ABR: variants seen among roughly 807,000 people sequenced by gnomAD.
The protein encoded by ABR is active breakpoint cluster region-related protein.
In ABR, 35 loss-of-function variants were observed where a neutral mutation model predicts 107.2. The ratio of observed to expected loss-of-function variants is 0.33; its 90% CI spans 0.25 to 0.43. ABR has a LOEUF of 0.43. Ranked by LOEUF, ABR falls within the 20% of genes least tolerant of loss-of-function variation. The probability of loss-of-function intolerance (pLI) is 1.00; values close to 1 mark genes in which losing one functional copy is unlikely to be tolerated. For missense variants in ABR, 815 were observed against 1,115.2 expected (o/e 0.73, Z 3.83); for synonymous variants, 498 against 462.0 (o/e 1.08, Z -1.00).
At chr17:1,029,593 G>T (rs2072541574) in intron 16 of ABR, among the ~76,000 whole-genome samples, 1 of 152,128 alleles carries the variant, frequency 6.6e-6, no homozygotes, top group African/African-American at 2.4e-5. Context: ...TGCCAGTCTG[G>T]GCAGTACCAG....
chr17:1,031,568 C>G (rs1325649727), intron 16 of ABR: 1 of 1,026,994 alleles, frequency 9.7e-7, no homozygotes, highest in Non-Finnish European at 1.2e-6. Context: ...CGAGCCCCCA[C>G]CCCCCGGAAC....
Position 1,005,810 on chromosome 17 carries a change from A to T in ABR, c.*270T>A, listed in dbSNP as rs1387064433. The stretch of plus-strand genomic sequence containing the variant: ...TACCTTTTCTGCCTGACAAGTGTAC[A>T]TAAAACAATTCCCGAACAGCACGGA... On this transcript the variant is annotated 3_prime_UTR_variant, in exon 23 of 23. Transcript: ENST00000302538. The T allele has an allele frequency of 1.9e-6, 1 of 528,542 alleles. No homozygotes were observed. Among genetic ancestry groups the T allele is most frequent in the Non-Finnish European group, 3.4e-6 (1 of 293,394 alleles). The allele number at this position is 528,542 out of a possible 1,614,324, so 32.7% of individuals were successfully genotyped here. A position where few individuals can be genotyped will look rare whatever the true frequency, so the allele number is the denominator to read the frequency against.
chr17:1,061,047 G>A (rs1597609307), intron 10 of ABR, among the ~76,000 whole-genome samples: 1 of 152,156 alleles, frequency 6.6e-6, no homozygotes, highest in Non-Finnish European at 1.5e-5. Flanking sequence ...CTGTGACTCA[G>A]AGGACGGCAC....
In ABR at chr17:1,090,503, A is replaced by G. The variant is rs545066088; in HGVS notation, c.531+1162T>C. ...AGAAGAGGAAAAGGCGGCTGTGAGC[A>G]ACGGCCAAAAAGTGGAGTCCACAGG... On this transcript the variant is annotated intron_variant, in intron 4 of 22. Transcript: ENST00000302538. 6.6e-5 allele frequency among the ~76,000 whole-genome samples: 10 copies of G among 152,310 alleles called. No homozygotes were observed. The South Asian group carries it at 1.2e-3, about 19-fold the overall frequency.
chr17:1,093,793 T>A (rs1378858948), intron 3 of ABR, among the ~76,000 whole-genome samples: 1 of 152,120 alleles, frequency 6.6e-6, no homozygotes, highest in Non-Finnish European at 1.5e-5. Context: ...CTCAGATATA[T>A]CGCCTCACTC....
Position 1,012,652 on chromosome 17 carries a change from C to G in ABR, c.1961+36G>C. On this transcript the variant is annotated intron_variant, in intron 18 of 22. Transcript: ENST00000302538. ...CCGGGCTGGGGGGGACCCGGGGCAC[C>G]GACGCCAGGACTGGGAGACCCGAGG... is the stretch of plus-strand genomic sequence containing the variant. 2.0e-6 allele frequency: 3 copies of G among 1,513,542 alleles called. No individual in the cohort carries two copies. The South Asian group carries it at 3.6e-5, about 18-fold the overall frequency. 93.8% of individuals were successfully genotyped at this position (1,513,542 alleles called of 1,614,324 possible). A position where few individuals can be genotyped will look rare whatever the true frequency, so the allele number is the denominator to read the frequency against.
intron 16 of ABR, among the ~76,000 whole-genome samples, chr17:1,014,694 A>G (rs973096391): frequency 5.3e-5 from 8 of 151,428 alleles, no homozygotes; most frequent in Non-Finnish European, 8.8e-5. Context: ...AAAATACAAA[A>G]AATTAGCCGG....
At chr17:1,111,315 C>T (rs1458847740) in intron 2 of ABR, among the ~76,000 whole-genome samples, 2 of 152,184 alleles carry the variant, frequency 1.3e-5, no homozygotes, top group South Asian at 4.1e-4. Flanking sequence ...GGCCTCTCTA[C>T]TCCACCCTGT....
At position 1,154,408 on chromosome 17, in the gene ABR, C is replaced by A. The variant is rs1378123980; in HGVS notation, c.61+25259G>T. 6.6e-6 allele frequency: 1 copy of A among 152,348 alleles called. No individual in the cohort carries two copies. The highest frequency in any genetic ancestry group is 6.5e-5 in the Admixed American group (1 of 15,278). 9.4% of individuals were successfully genotyped at this position (152,348 alleles called of 1,614,324 possible). ...AGTTCCCGTCCCGTGGTGCTGCCTG[C>A]CCTGGTTGCATTAAAGTGCTCATAA... is the stretch of plus-strand genomic sequence containing the variant. On this transcript the variant is annotated intron_variant, in intron 1 of 22. Coordinates refer to ENST00000302538, the MANE Select transcript of ABR (RefSeq NM_021962.5). The surrounding 1 kb of genome is among the most constrained non-coding windows in gnomAD (Gnocchi z 4.0).
chr17:1,029,976 G>A (rs371081002), intron 16 of ABR, among the ~76,000 whole-genome samples: 7 of 143,390 alleles, frequency 4.9e-5, no homozygotes, highest in Middle Eastern at 3.8e-3. Context: ...CACAGCACAC[G>A]TTAGGGGATG....
At position 1,133,977 on chromosome 17, in the gene ABR, G is replaced by C. The variant is rs1395249207; in HGVS notation, c.62-8610C>G. Among the ~76,000 whole-genome samples, 6 of 152,310 alleles carry C rather than the reference G, an allele frequency of 3.9e-5. No homozygotes were observed. In the East Asian group the frequency reaches 1.2e-3, roughly 29 times the overall value. On this transcript the variant is annotated intron_variant, in intron 1 of 22. Coordinates refer to ENST00000302538, the MANE Select transcript of ABR (RefSeq NM_021962.5). ...ACGGTGGCTTTACTGCTGCCACCAG[G>C]AACAGGTCAAGAAAGAACAGAGGCC...
chr17:1,047,238 C>A (rs1020590162), intron 16 of ABR, among the ~76,000 whole-genome samples: 3 of 152,280 alleles, frequency 2.0e-5, no homozygotes, highest in Non-Finnish European at 4.4e-5. Flanking sequence ...TCAGCGCCTG[C>A]TGGCGGGCAG....
chr17:1,139,188 C>T (rs1292212495), intron 1 of ABR, among the ~76,000 whole-genome samples: 1 of 152,048 alleles, frequency 6.6e-6, no homozygotes, highest in Non-Finnish European at 1.5e-5. Context: ...TCTTAAACAG[C>T]GTTATCTTAT....
At chr17:1,080,485 G>A (rs558200314) in intron 5 of ABR, among the ~76,000 whole-genome samples, 2 of 152,270 alleles carry the variant, frequency 1.3e-5, no homozygotes, top group East Asian at 3.9e-4. Flanking sequence ...CGGAGCACAC[G>A]GAGCCTCAAA....
intron 1 of ABR, among the ~76,000 whole-genome samples, chr17:1,129,437 CAGA>C (rs2039731617): frequency 6.6e-6 from 1 of 152,118 alleles, no homozygotes; most frequent in African/African-American, 2.4e-5. Flanking sequence ...GAGGCTGAGG[CAGA>C]AGAATGGTGT....
At chr17:1,013,809 G>A (rs1439285233) in intron 16 of ABR, among the ~76,000 whole-genome samples, 1 of 152,240 alleles carries the variant, frequency 6.6e-6, no homozygotes, top group Non-Finnish European at 1.5e-5. Flanking sequence ...CACAGGGGAA[G>A]TCCCCAGGCT....
chr17:1,083,460 G>A (rs995334701), intron 5 of ABR, 60 bp downstream of exon 5: 55 of 1,283,652 alleles, frequency 4.3e-5, no homozygotes, highest in Non-Finnish European at 5.3e-5. Flanking sequence ...GAGACCAAGG[G>A]CTCTGAGCAG....
At chr17:1,064,361 GA>G (rs1481625722) in intron 10 of ABR, among the ~76,000 whole-genome samples, 1 of 122,700 alleles carries the variant, frequency 8.1e-6, no homozygotes, top group Non-Finnish European at 1.8e-5. Flanking sequence ...TGTTCCTCTA[GA>G]CACTGCTGTT....
intron 1 of ABR, among the ~76,000 whole-genome samples, chr17:1,216,690 C>T (rs1278036343): frequency 6.6e-6 from 1 of 152,226 alleles, no homozygotes; most frequent in Non-Finnish European, 1.5e-5. Flanking sequence ...ACGTGCCACC[C>T]TGCTGTTGCA....
Sources: allele counts gnomAD v4.1 joint callset (sites outside exome capture counted in the v4.1 genomes callset), GRCh38; gene constraint gnomAD v4.1.1; non-coding constraint Gnocchi (gnomAD v3.1); transcripts MANE v1.5; gene names NCBI Gene and HGNC (gene_info 2026-07-23, HGNC 2026-07-21).